The following SHISA9 variants were observed in gnomAD, a reference collection of about 807,000 sequenced individuals.
SHISA9 encodes protein shisa-9.
Under a neutral mutation model 38.0 loss-of-function variants are expected in SHISA9, and 13 were observed. That is an observed-to-expected ratio of 0.34 (90% CI 0.22 to 0.54). The LOEUF (loss-of-function observed/expected upper bound fraction) is 0.54, where lower values mean the gene tolerates loss of function less well. Among genes scored for constraint, SHISA9 ranks in the 20% least tolerant of loss-of-function variants. SHISA9 has a pLI of 0.91. For synonymous variants in SHISA9, 275 were observed against 242.0 expected (o/e 1.14, Z -1.27); for missense variants, 538 against 575.8 (o/e 0.93, Z 0.67).
intron 2 of SHISA9, among the ~76,000 whole-genome samples, chr16:12,965,532 T>C (rs2071966201): frequency 6.6e-6 from 1 of 152,206 alleles, no homozygotes; most frequent in Non-Finnish European, 1.5e-5. Flanking sequence ...CCAAGTGATT[T>C]GGAATCAGAT....
At chr16:13,325,973 C>T in the SHISA9 span, among the ~76,000 whole-genome samples, 1 of 149,990 alleles carries the variant, frequency 6.7e-6, no homozygotes, top group Non-Finnish European at 1.5e-5. Context: ...ACCTAGATGA[C>T]GGGTCGATGG....
At chr16:13,076,817 T>G (rs904193329) in intron 2 of SHISA9, among the ~76,000 whole-genome samples, 6 of 152,328 alleles carry the variant, frequency 3.9e-5, no homozygotes, top group African/African-American at 1.2e-4. Flanking sequence ...GAATAGCTGT[T>G]TATAGTGTGT....
chr16:13,241,538 C>T (rs551284403), downstream of SHISA9, among the ~76,000 whole-genome samples: 1 of 152,210 alleles, frequency 6.6e-6, no homozygotes, highest in African/African-American at 2.4e-5. Context: ...TCCCTAGGCA[C>T]AGAGATGCAC....
the SHISA9 span, among the ~76,000 whole-genome samples, chr16:13,261,967 G>T: frequency 1.4e-4 from 21 of 152,190 alleles, no homozygotes; most frequent in Non-Finnish European, 2.6e-4. Context: ...TATCCTGCAG[G>T]TGTGTCACTG....
chr16:13,472,886 A>T, the SHISA9 span, among the ~76,000 whole-genome samples: 1 of 152,322 alleles, frequency 6.6e-6, no homozygotes, highest in South Asian at 2.1e-4. Flanking sequence ...GTATTTATTC[A>T]AAGTTTTGAT....
At chr16:13,524,845 C>G in the SHISA9 span, among the ~76,000 whole-genome samples, 1,317 of 151,960 alleles carry the variant, frequency 8.7e-3, 19 homozygotes, top group African/African-American at 0.03. Context: ...CAGGATAATT[C>G]TTTATTACGC....
chr16:13,005,181 G>C (rs775039532), intron 2 of SHISA9, among the ~76,000 whole-genome samples: 4 of 152,062 alleles, frequency 2.6e-5, no homozygotes, highest in Non-Finnish European at 4.4e-5. Flanking sequence ...CTCAGTTTGA[G>C]GTACTGTGAA....
the SHISA9 span, among the ~76,000 whole-genome samples, chr16:13,492,865 G>A: frequency 6.6e-6 from 1 of 152,206 alleles, no homozygotes; most frequent in Non-Finnish European, 1.5e-5. Flanking sequence ...GCATTGCAGG[G>A]TAAAGGAATA....
At chr16:12,964,720 C>T (rs563678737) in intron 2 of SHISA9, among the ~76,000 whole-genome samples, 2 of 152,114 alleles carry the variant, frequency 1.3e-5, no homozygotes, top group African/African-American at 2.4e-5. Context: ...AATTCAAGAT[C>T]GTGACAGGGA....
At chr16:13,061,330 G>A (rs920709818) in intron 2 of SHISA9, among the ~76,000 whole-genome samples, 1 of 152,178 alleles carries the variant, frequency 6.6e-6, no homozygotes, top group Non-Finnish European at 1.5e-5. Flanking sequence ...ACAGGATGAT[G>A]TTAGGCAAGG....
intron 2 of SHISA9, among the ~76,000 whole-genome samples, chr16:13,200,475 G>A (rs1459317555): frequency 1.3e-5 from 2 of 149,938 alleles, no homozygotes; most frequent in African/African-American, 2.5e-5. Context: ...CATACAATGA[G>A]AACTTAACAG....
At chr16:13,558,290 A>T in the SHISA9 span, among the ~76,000 whole-genome samples, 1 of 152,190 alleles carries the variant, frequency 6.6e-6, no homozygotes, top group African/African-American at 2.4e-5. Context: ...CTCTGGGTGC[A>T]AATAATGTAA....
At chr16:12,959,947 A>C (rs2071887527) in intron 2 of SHISA9, among the ~76,000 whole-genome samples, 1 of 152,260 alleles carries the variant, frequency 6.6e-6, no homozygotes, top group Non-Finnish European at 1.5e-5. Context: ...GTTTACATTT[A>C]AAATTAGATG....
chr16:13,066,847 A>G (rs1014713040), intron 2 of SHISA9, among the ~76,000 whole-genome samples: 1 of 152,228 alleles, frequency 6.6e-6, no homozygotes, highest in Non-Finnish European at 1.5e-5. Flanking sequence ...AAGGTCCCTT[A>G]GCAAATAAGT....
At chr16:13,079,636 C>T (rs1024291449) in intron 2 of SHISA9, among the ~76,000 whole-genome samples, 1 of 152,200 alleles carries the variant, frequency 6.6e-6, no homozygotes, top group Non-Finnish European at 1.5e-5. Context: ...CCATTTTCTC[C>T]TGACAATGCT....
chr16:13,375,498 T>G, the SHISA9 span, among the ~76,000 whole-genome samples: 200 of 152,294 alleles, frequency 1.3e-3, 1 homozygote, highest in Non-Finnish European at 1.9e-3. Flanking sequence ...GTGGTATTAT[T>G]TCTGAGAGCT....
the SHISA9 span, among the ~76,000 whole-genome samples, chr16:13,365,155 G>T: frequency 1.1e-4 from 16 of 152,096 alleles, no homozygotes; most frequent in Admixed American, 9.2e-4. Flanking sequence ...AAACAAACTG[G>T]GGAAGGCCCT....
the SHISA9 span, among the ~76,000 whole-genome samples, chr16:13,562,403 G>T: frequency 6.6e-6 from 1 of 152,150 alleles, no homozygotes; most frequent in Non-Finnish European, 1.5e-5. Context: ...GCTGAGGCAG[G>T]CAGATCACCT....
the SHISA9 span, among the ~76,000 whole-genome samples, chr16:13,382,755 G>C: frequency 6.6e-6 from 1 of 151,802 alleles, no homozygotes; most frequent in Non-Finnish European, 1.5e-5. Context: ...CTACTCGGGA[G>C]GCTGAGGCAG....
Sources: allele counts gnomAD v4.1 joint callset (sites outside exome capture counted in the v4.1 genomes callset), GRCh38; gene constraint gnomAD v4.1.1; transcripts MANE v1.5; gene names NCBI Gene and HGNC (gene_info 2026-07-23, HGNC 2026-07-21).